ROBO2: variants seen among roughly 807,000 people sequenced by gnomAD.
ROBO2 encodes the protein roundabout homolog 2.
In ROBO2, 53 loss-of-function variants were observed where a neutral mutation model predicts 160.8. That is an observed-to-expected ratio of 0.33 (90% CI 0.26 to 0.41). The LOEUF is 0.41. Among genes scored for constraint, ROBO2 ranks in the 10% least tolerant of loss-of-function variants. The pLI is 1.00. For synonymous variants in ROBO2, 664 were observed against 611.7 expected (o/e 1.09, Z -1.26); for missense variants, 1,577 against 1,722.4 (o/e 0.92, Z 1.49).
At chr3:76,992,607 G>T (rs1220217425) in intron 2 of ROBO2, among the ~76,000 whole-genome samples, 2 of 151,660 alleles carry the variant, frequency 1.3e-5, no homozygotes, top group Admixed American at 6.6e-5. Context: ...TATATGAAAT[G>T]TTGGCATAAC....
At chr3:77,406,309 C>A (rs891420056) in intron 2 of ROBO2, among the ~76,000 whole-genome samples, 1 of 152,114 alleles carries the variant, frequency 6.6e-6, no homozygotes, top group Non-Finnish European at 1.5e-5. Context: ...GATTATAATT[C>A]GAGATGAGAT....
At chr3:77,214,612 A>G (rs1045268777) in intron 2 of ROBO2, among the ~76,000 whole-genome samples, 1 of 151,718 alleles carries the variant, frequency 6.6e-6, no homozygotes, top group African/African-American at 2.4e-5. Flanking sequence ...GTGAATTTGA[A>G]CCTGTCATTA....
At chr3:76,699,266 A>G (rs1379501317) in intron 2 of ROBO2, among the ~76,000 whole-genome samples, 1 of 152,070 alleles carries the variant, frequency 6.6e-6, no homozygotes, top group Non-Finnish European at 1.5e-5. Flanking sequence ...CTGTTTATCC[A>G]GGTCTGTTGA....
intron 2 of ROBO2, among the ~76,000 whole-genome samples, chr3:76,807,056 T>A (rs1365932433): frequency 2.6e-5 from 4 of 152,082 alleles, no homozygotes; most frequent in Non-Finnish European, 5.9e-5. Flanking sequence ...AGACTTAAAA[T>A]TCTGGTTACA....
intron 2 of ROBO2, among the ~76,000 whole-genome samples, chr3:76,297,787 A>T (rs569314698): frequency 6.6e-6 from 1 of 152,176 alleles, no homozygotes; most frequent in Non-Finnish European, 1.5e-5. Context: ...TTCTGAGAAA[A>T]ACATAAGCAA....
chr3:77,576,340 C>A (rs1323604071), intron 14 of ROBO2, among the ~76,000 whole-genome samples: 1 of 151,930 alleles, frequency 6.6e-6, no homozygotes, highest in Non-Finnish European at 1.5e-5. Flanking sequence ...TGCTGTCAGG[C>A]TTTTAAAATA....
chr3:77,090,656 A>T (rs1483550961), intron 1 of ROBO2, among the ~76,000 whole-genome samples: 1 of 151,808 alleles, frequency 6.6e-6, no homozygotes, highest in Non-Finnish European at 1.5e-5. Context: ...GCCCGGCCTA[A>T]ACCACTCTTT....
At chr3:77,170,328 G>T (rs1048965432) in intron 2 of ROBO2, among the ~76,000 whole-genome samples, 3 of 151,946 alleles carry the variant, frequency 2.0e-5, no homozygotes, top group African/African-American at 7.3e-5. Context: ...ATTTTTAAAA[G>T]AACATACATA....
intron 2 of ROBO2, among the ~76,000 whole-genome samples, chr3:76,995,599 CT>C (rs1559817687): frequency 6.6e-6 from 1 of 152,150 alleles, no homozygotes. Flanking sequence ...TCTCCACATC[CT>C]CTCCAGCACC....
intron 2 of ROBO2, among the ~76,000 whole-genome samples, chr3:76,702,667 G>A (rs2093071497): frequency 1.3e-5 from 2 of 151,912 alleles, no homozygotes; most frequent in African/African-American, 4.8e-5. Context: ...AAAACAAAAT[G>A]AACGTTATAT....
At chr3:76,739,433 GA>G (rs2093766322) in intron 2 of ROBO2, among the ~76,000 whole-genome samples, 1 of 140,214 alleles carries the variant, frequency 7.1e-6, no homozygotes, top group South Asian at 2.4e-4. Flanking sequence ...TGAACAATGA[GA>G]ACACATGGAC....
intron 2 of ROBO2, among the ~76,000 whole-genome samples, chr3:77,101,383 C>T (rs1339183720): frequency 6.6e-6 from 1 of 152,086 alleles, no homozygotes; most frequent in Non-Finnish European, 1.5e-5. Flanking sequence ...AGAAATAACT[C>T]TAGGGAACAG....
chr3:77,268,012 T>A (rs1315913899), intron 2 of ROBO2, among the ~76,000 whole-genome samples: 1 of 152,210 alleles, frequency 6.6e-6, no homozygotes, highest in Non-Finnish European at 1.5e-5. Context: ...CTGCCTAGAA[T>A]AGAAAGCAAA....
intron 2 of ROBO2, among the ~76,000 whole-genome samples, chr3:76,861,726 A>G (rs2070800174): frequency 1.3e-5 from 2 of 152,138 alleles, no homozygotes; most frequent in Admixed American, 1.3e-4. Context: ...AAGTTTATGA[A>G]TCTAACATCA....
Position 77,018,904 on chromosome 3 carries a change from C to T in ROBO2, c.110-79110C>T, listed in dbSNP as rs1203357721. Among the ~76,000 whole-genome samples the T allele has an allele frequency of 3.3e-5, 5 of 152,120 alleles. No individual in the cohort carries two copies. In the East Asian group the frequency reaches 7.7e-4, roughly 24 times the overall value. ...TTACTAGGAGTAAGGGTAATCTGGC[C>T]GCATTGCCTGTCAACTGATTATCAG... is the stretch of plus-strand genomic sequence containing the variant. On this transcript the variant is annotated intron_variant, in intron 2 of 26. Coordinates refer to the ROBO2 transcript ENST00000487694.
intron 2 of ROBO2, among the ~76,000 whole-genome samples, chr3:76,983,553 A>G (rs2060210809): frequency 6.6e-6 from 1 of 152,124 alleles, no homozygotes; most frequent in African/African-American, 2.4e-5. Flanking sequence ...TTTTCCACCC[A>G]ATATTGGAAT....
intron 2 of ROBO2, among the ~76,000 whole-genome samples, chr3:76,339,793 C>T (rs567533290): frequency 2.0e-5 from 3 of 151,986 alleles, no homozygotes; most frequent in South Asian, 2.1e-4. Context: ...TGTTATTAAT[C>T]GTTACAATAA....
chr3:76,159,179 G>A (rs578157704), intron 2 of ROBO2, among the ~76,000 whole-genome samples: 4 of 152,242 alleles, frequency 2.6e-5, no homozygotes, highest in African/African-American at 9.6e-5. Context: ...TGGATTTTGT[G>A]TTGTGAAAGA....
chr3:77,213,242 G>C (rs2084438488), intron 2 of ROBO2, among the ~76,000 whole-genome samples: 2 of 151,958 alleles, frequency 1.3e-5, no homozygotes, highest in South Asian at 4.2e-4. Flanking sequence ...ATTAATTATT[G>C]CTTCAATTTC....
Sources: gnomAD v4.1 joint callset for allele counts (sites outside exome capture counted in the v4.1 genomes callset) on GRCh38, gnomAD v4.1.1 for gene constraint, MANE v1.5 for transcripts, NCBI Gene and HGNC (gene_info 2026-07-23, HGNC 2026-07-21) for gene names.